Variants in CHKA observed in about 807,000 individuals in gnomAD.
The protein encoded by CHKA is CHETK-alpha.
A neutral mutation model predicts 60.1 loss-of-function variants in CHKA; 34 were observed. The observed-to-expected ratio is 0.57, with a 90% CI of 0.43 to 0.75. The LOEUF is 0.75. Among genes scored for constraint, CHKA ranks in the 30% least tolerant of loss-of-function variants. The pLI, the probability that CHKA is intolerant of heterozygous loss-of-function variation, is 0.00. For synonymous variants in CHKA, 217 were observed against 223.1 expected (o/e 0.97, Z 0.24); for missense variants, 563 against 561.3 (o/e 1.00, Z -0.03).
At chr11:68,066,297 C>A (rs1202154154) in intron 8 of CHKA, 132 bp downstream of exon 8, 2 of 725,490 alleles carry the variant, frequency 2.8e-6, no homozygotes, top group Non-Finnish European at 4.7e-6. Context: ...GGACGAGAAG[C>A]CACTGATTCC....
At chr11:68,096,443 C>T (rs1857519121) in intron 2 of CHKA, among the ~76,000 whole-genome samples, 1 of 151,960 alleles carries the variant, frequency 6.6e-6, no homozygotes, top group African/African-American at 2.4e-5. Context: ...TAATAATAAA[C>T]CCAGACAAGT....
chr11:68,088,104 C>A (rs1857240082), intron 2 of CHKA, among the ~76,000 whole-genome samples: 1 of 69,642 alleles, frequency 1.4e-5, no homozygotes, highest in Non-Finnish European at 2.5e-5. Context: ...CAGTGGGAGG[C>A]TGTCTCAAAA....
chr11:68,084,172 G>A (rs903207315), intron 2 of CHKA, among the ~76,000 whole-genome samples: 14 of 150,380 alleles, frequency 9.3e-5, no homozygotes, highest in African/African-American at 2.4e-4. Context: ...GCTTGAATCC[G>A]GGAAGAAGAG....
chr11:68,066,415 C>T lies in CHKA; in HGVS notation c.1016+14G>A, dbSNP rs764715670. 1.9e-6 allele frequency: 3 copies of T among 1,575,316 alleles called. No individual in the cohort carries two copies. In the African/African-American group the frequency reaches 4.0e-5, roughly 21 times the overall value. On this transcript the variant is annotated intron_variant, in intron 8 of 11. Coordinates refer to ENST00000265689, the MANE Select transcript of CHKA (RefSeq NM_001277.3). ...TCAATATTGAGATGGAAACACTGGA[C>T]TGTAACACAGTACCTGTAATTGTAA...
chr11:68,085,011 CT>C (rs1379080033), intron 2 of CHKA, among the ~76,000 whole-genome samples: 1 of 152,184 alleles, frequency 6.6e-6, no homozygotes, highest in Non-Finnish European at 1.5e-5. Flanking sequence ...GAATTCTACA[CT>C]TAAAAGGCAC....
chr11:68,059,963 A>G (rs1461984943), intron 11 of CHKA, among the ~76,000 whole-genome samples: 2 of 152,032 alleles, frequency 1.3e-5, no homozygotes, highest in African/African-American at 4.8e-5. Flanking sequence ...CTAACCACAG[A>G]AGAGGAGTGG....
chr11:68,071,382 C>G (rs1856613554), intron 4 of CHKA, among the ~76,000 whole-genome samples: 1 of 152,222 alleles, frequency 6.6e-6, no homozygotes, highest in African/African-American at 2.4e-5. Context: ...AGCACCTGGC[C>G]TGGCACAGAG....
chr11:68,078,325 A>G (rs1856857562), intron 3 of CHKA, among the ~76,000 whole-genome samples: 1 of 152,250 alleles, frequency 6.6e-6, no homozygotes, highest in South Asian at 2.1e-4. Context: ...TTCAGGCAGC[A>G]AAAAGAGGGG....
rs750213357 is a variant in CHKA at position 68,121,326 on chromosome 11, G to GCGACTGCGGCGA, written c.-150_-149insTCGCCGCAGTCG. The GCGACTGCGGCGA allele has an allele frequency of 1.1e-5, 3 of 278,548 alleles. No individual in the cohort carries two copies. The highest frequency in any genetic ancestry group is 2.3e-5 in the African/African-American group (1 of 43,032). The allele number at this position is 278,548 out of a possible 1,614,324, so 17.3% of individuals were successfully genotyped here. Reference sequence around the variant, plus strand: ...TTGGGCGCGCGGGGCGGCGGCGGCGGCTGCGGCGACTGCGGCGACTGTGGA... The same window carrying GCGACTGCGGCGA: ...TTGGGCGCGCGGGGCGGCGGCGGCGGCGACTGCGGCGACTGCGGCGACTGCGGCGACTGTGGA... On this transcript the variant is annotated 5_prime_UTR_variant, in exon 1 of 12. Coordinates refer to ENST00000265689, the MANE Select transcript of CHKA (RefSeq NM_001277.3).
chr11:68,058,003 G>A (rs1565170676), intron 11 of CHKA, among the ~76,000 whole-genome samples: 2 of 152,024 alleles, frequency 1.3e-5, no homozygotes, highest in Non-Finnish European at 2.9e-5. Context: ...GATCTTCCCA[G>A]CTCAGCCTCC....
intron 1 of CHKA, among the ~76,000 whole-genome samples, chr11:68,116,184 A>T (rs1461780278): frequency 5.3e-5 from 8 of 152,162 alleles, no homozygotes; most frequent in Non-Finnish European, 1.2e-4. Flanking sequence ...AGTCTCCAAC[A>T]TTTCATTCAT....
chr11:68,113,081 C>CAAAAAAAAAAAAAAAAAAAAA (rs71040587), intron 1 of CHKA, among the ~76,000 whole-genome samples: 1 of 14,532 alleles, frequency 6.9e-5, no homozygotes, highest in Non-Finnish European at 1.4e-4. Context: ...GACTCCGTCT[C>CAAAAAAAAAAAAAAAAAAAAA]AAAAAAAAAA....
chr11:68,090,880 G>T (rs1248650940), intron 2 of CHKA, among the ~76,000 whole-genome samples: 1 of 152,178 alleles, frequency 6.6e-6, no homozygotes, highest in African/African-American at 2.4e-5. Context: ...GAAGGAAGTG[G>T]CTTAACACAG....
At chr11:68,060,279 G>A (rs1416521978) in intron 11 of CHKA, among the ~76,000 whole-genome samples, 9 of 151,202 alleles carry the variant, frequency 6.0e-5, no homozygotes, top group Non-Finnish European at 1.0e-4. Flanking sequence ...TGATCCGCCC[G>A]CCTCGGCCTC....
At chr11:68,094,875 A>C (rs1293373047) in intron 2 of CHKA, among the ~76,000 whole-genome samples, 2 of 152,230 alleles carry the variant, frequency 1.3e-5, no homozygotes, top group African/African-American at 4.8e-5. Context: ...TGACAGAGTC[A>C]AGGAAAAGCT....
rs769018729 is a variant in CHKA at position 68,068,936 on chromosome 11, A to C, written c.871T>G (p.Ser291Ala). 3 of 1,611,162 alleles carry C rather than the reference A, an allele frequency of 1.9e-6. No homozygotes were observed. Among genetic ancestry groups the C allele is most frequent in the South Asian group, 2.2e-5 (2 of 91,020 alleles). The change falls in exon 7 of 12, where the codon TCA becomes GCA. Residue 291 changes from serine to alanine, a missense_variant and splice_region_variant. By Grantham distance (99) the Ser-to-Ala change is moderately conservative (BLOSUM62 1). Transcript: ENST00000265689. The stretch of plus-strand genomic sequence containing the variant: ...GGAGATGGAGTAGATTCAAGCAATG[A>C]TCTGAAAAGAAAGGTTTCACTGTTA... ...NLPLELENLR[S>A]LLESTPSPVV...
intron 4 of CHKA, 57 bp from the exon 5 acceptor site, chr11:68,070,914 A>G: frequency 6.5e-7 from 1 of 1,534,648 alleles, no homozygotes; most frequent in Non-Finnish European, 9.0e-7. Context: ...AAAAAGAGTG[A>G]GATCACACAG....
chr11:68,066,223 A>G (rs916293285), intron 8 of CHKA, among the ~76,000 whole-genome samples: 7 of 152,178 alleles, frequency 4.6e-5, no homozygotes, highest in Admixed American at 2.0e-4. Flanking sequence ...GCTGTCCCCA[A>G]CTAGCGCTGT....
Position 68,084,356 on chromosome 11 carries a change from ATATACACATATATACGTATATGTG to A in CHKA, c.463-2923_463-2900del, listed in dbSNP as rs1459819928. Among the ~76,000 whole-genome samples, 5 of 139,172 alleles carry A rather than the reference ATATACACATATATACGTATATGTG, an allele frequency of 3.6e-5. No individual in the cohort carries two copies. In the South Asian group the frequency reaches 6.9e-4, roughly 19 times the overall value. 91.3% of individuals were successfully genotyped at this position (139,172 alleles called of 152,430 possible). A position where few individuals can be genotyped will look rare whatever the true frequency, so the allele number is the denominator to read the frequency against. On this transcript the variant is annotated intron_variant, in intron 2 of 11. Transcript: ENST00000265689. The stretch of plus-strand genomic sequence containing the variant: ...TATACGTATATATATGTGTATATAT[ATATACACATATATACGTATATGTG>A]TATATATATACACACATATACGTAT...
Sources: allele counts gnomAD v4.1 joint callset (sites outside exome capture counted in the v4.1 genomes callset), GRCh38; gene constraint gnomAD v4.1.1; transcripts MANE v1.5; gene names NCBI Gene and HGNC (gene_info 2026-07-23, HGNC 2026-07-21).